The following DNAJC18 variants were observed in gnomAD, a reference collection of about 807,000 sequenced individuals.
DNAJC18 encodes DnaJ heat shock protein family (Hsp40) member C18, also known as dnaJ homolog subfamily C member 18.
A neutral mutation model predicts 48.6 loss-of-function variants in DNAJC18; 40 were observed. The observed-to-expected ratio is 0.82, with a 90% CI of 0.64 to 1.07. The LOEUF is 1.07. Among genes scored for constraint, DNAJC18 ranks in the 50% least tolerant of loss-of-function variants. DNAJC18 has a pLI of 0.00. For missense variants in DNAJC18, 340 were observed against 427.7 expected, an observed-to-expected ratio of 0.79 and a Z score of 1.81; for synonymous variants, 135 against 152.2, an observed-to-expected ratio of 0.89 and a Z score of 0.83.
rs764554043 is a variant in DNAJC18, at chr5:139,422,713, A to G, written c.774T>C (p.Tyr258=). 1 of 1,596,902 alleles carries G rather than the reference A, an allele frequency of 6.3e-7. No homozygotes were observed. Among genetic ancestry groups the G allele is most frequent in the South Asian group, 1.1e-5 (1 of 88,000 alleles). Reference sequence around the variant, plus strand: ...TTTAGAAATACCAGACTTACGATTTATAGAACAGACTATATGGGGGATTAG... The same window carrying G: ...TTTAGAAATACCAGACTTACGATTTGTAGAACAGACTATATGGGGGATTAG... The part of the protein sequence containing the change: ...LATNPPYSLF[Y]KSTLGYTISR... Residue 258 remains tyrosine (Y), a synonymous_variant, in exon 6 of 8, where the codon TAT becomes TAC. Transcript: ENST00000302060.
chr5:139,437,646 T>G (rs1291732105), intron 1 of DNAJC18, 88 bp from the exon 2 acceptor site: 2 of 1,471,834 alleles, frequency 1.4e-6, no homozygotes, highest in Admixed American at 4.6e-5. Context: ...AGGCTGCTCG[T>G]AAGCATGAGA....
chr5:139,432,648 T>C (rs892073020), intron 2 of DNAJC18, among the ~76,000 whole-genome samples: 1 of 152,150 alleles, frequency 6.6e-6, no homozygotes, highest in Non-Finnish European at 1.5e-5. Context: ...AAAGAACTTT[T>C]TAAAGGCAGT....
At chr5:139,437,342 ATCAC>A in intron 2 of DNAJC18, 26 bp downstream of exon 2, 1 of 1,564,114 alleles carries the variant, frequency 6.4e-7, no homozygotes, top group Non-Finnish European at 8.6e-7. Context: ...TTTCCATAAA[ATCAC>A]TCATTTAATC....
intron 7 of DNAJC18, among the ~76,000 whole-genome samples, chr5:139,415,550 C>T (rs941439954): frequency 5.3e-5 from 8 of 152,368 alleles, no homozygotes; most frequent in African/African-American, 1.4e-4. Context: ...TGCGCTCTCC[C>T]TGCTTGGTGA....
chr5:139,439,488 C>A lies in DNAJC18; in HGVS notation c.-43G>T. 3 of 1,613,478 alleles carry A rather than the reference C, an allele frequency of 1.9e-6. No individual in the cohort carries two copies. Among genetic ancestry groups the A allele is most frequent in the Non-Finnish European group, 2.5e-6 (3 of 1,179,912 alleles). ...AGGTCCGCCGAGCCTCCCCCGTGCC[C>A]GAGGCTGAAAGAGAAGGGGGCGCGG... On this transcript the variant is annotated 5_prime_UTR_variant, in exon 1 of 8. Coordinates refer to ENST00000302060, the MANE Select transcript of DNAJC18 (RefSeq NM_152686.4). This position sits in a 1 kb window ranked among gnomAD's most constrained non-coding sequence, Gnocchi z 4.1.
At chr5:139,421,527 C>T (rs1554165424) in intron 6 of DNAJC18, among the ~76,000 whole-genome samples, 1 of 151,562 alleles carries the variant, frequency 6.6e-6, no homozygotes, top group South Asian at 2.1e-4. Context: ...AAATACTAGC[C>T]GGGCGCGATG....
chr5:139,436,486 T>A (rs1312210163), intron 2 of DNAJC18, among the ~76,000 whole-genome samples: 1 of 151,640 alleles, frequency 6.6e-6, no homozygotes, highest in Admixed American at 6.6e-5. Flanking sequence ...TTGTTCATAG[T>A]ATTTGGATTG....
rs1759174010 is a variant in DNAJC18, at chr5:139,422,704, T to TTA, written c.779+2_779+3dup. 6.3e-7 allele frequency: 1 copy of TTA among 1,588,420 alleles called. No homozygotes were observed. The highest frequency in any genetic ancestry group is 8.6e-7 in the Non-Finnish European group (1 of 1,165,152). The stretch of plus-strand genomic sequence containing the variant: ...TGAGAAAGATTTAGAAATACCAGAC[T>TTA]TACGATTTATAGAACAGACTATATG... On this transcript the variant is annotated splice_donor_region_variant and intron_variant, in intron 6 of 7. Coordinates refer to ENST00000302060, the MANE Select transcript of DNAJC18 (RefSeq NM_152686.4).
chr5:139,410,470 A>G lies in DNAJC18; in HGVS notation c.*3678T>C, dbSNP rs1758977961. ...TATCAACAGTGCAGCCTCAAAAAAA[A>G]GATGTTTTGTAACTTGGCCCTTTCC... On this transcript the variant is annotated 3_prime_UTR_variant, in exon 8 of 8. Transcript: ENST00000302060. 1 of 152,244 alleles carries G rather than the reference A, an allele frequency of 6.6e-6. No homozygotes were observed. Among genetic ancestry groups the G allele is most frequent in the Admixed American group, 6.5e-5 (1 of 15,288 alleles). 9.4% of individuals were successfully genotyped at this position (152,244 alleles called of 1,614,324 possible). A position where few individuals can be genotyped will look rare whatever the true frequency, so the allele number is the denominator to read the frequency against.
chr5:139,428,042 C>A (rs1759269335), intron 3 of DNAJC18, among the ~76,000 whole-genome samples: 1 of 152,152 alleles, frequency 6.6e-6, no homozygotes, highest in African/African-American at 2.4e-5. Context: ...ACCTCAGCCT[C>A]CCAAAGTGCT....
At chr5:139,429,689 C>A (rs1378804713) in intron 2 of DNAJC18, among the ~76,000 whole-genome samples, 3 of 152,102 alleles carry the variant, frequency 2.0e-5, no homozygotes, top group African/African-American at 7.2e-5. Context: ...CTTTGGGAGG[C>A]TGAGGCAGGA....
At chr5:139,425,643 C>A (rs746828558) in intron 4 of DNAJC18, among the ~76,000 whole-genome samples, 2 of 152,164 alleles carry the variant, frequency 1.3e-5, no homozygotes, top group African/African-American at 2.4e-5. Context: ...TGAGAGAGAA[C>A]CCCGAAAGGC....
chr5:139,416,445 G>A (rs909090749), intron 7 of DNAJC18, among the ~76,000 whole-genome samples: 4 of 152,166 alleles, frequency 2.6e-5, no homozygotes, highest in African/African-American at 4.8e-5. Context: ...CTGAAAGACC[G>A]CAACAGATCC....
At chr5:139,416,746 G>A (rs1454419267) in intron 7 of DNAJC18, among the ~76,000 whole-genome samples, 1 of 152,236 alleles carries the variant, frequency 6.6e-6, no homozygotes, top group Non-Finnish European at 1.5e-5. Context: ...AGCTCAGCTA[G>A]GCCAAGAGGC....
intron 2 of DNAJC18, among the ~76,000 whole-genome samples, chr5:139,433,610 T>A (rs1759365236): frequency 6.6e-6 from 1 of 152,192 alleles, no homozygotes; most frequent in Non-Finnish European, 1.5e-5. Context: ...AGGAGCTAAC[T>A]ACAAAATTAT....
chr5:139,416,755 G>C (rs1228274253), intron 7 of DNAJC18, among the ~76,000 whole-genome samples: 1 of 152,260 alleles, frequency 6.6e-6, no homozygotes, highest in Non-Finnish European at 1.5e-5. Flanking sequence ...AGGCCAAGAG[G>C]CAGTTCCTGC....
chr5:139,437,957 G>A (rs1181839465), intron 1 of DNAJC18, among the ~76,000 whole-genome samples: 2 of 152,138 alleles, frequency 1.3e-5, no homozygotes, highest in African/African-American at 4.8e-5. Context: ...TGTCCAACCC[G>A]CGGCCCACAG....
intron 2 of DNAJC18, 23 bp downstream of exon 2, chr5:139,437,349 A>T (rs771920418): frequency 1.9e-6 from 3 of 1,579,814 alleles, no homozygotes; most frequent in Non-Finnish European, 2.6e-6. Flanking sequence ...AAAATCACTC[A>T]TTTAATCTCA....
At position 139,439,480 on chromosome 5, in the gene DNAJC18, C is replaced by G. The variant is rs1438562035; in HGVS notation, c.-35G>C. 2 of 1,613,948 alleles carry G rather than the reference C, an allele frequency of 1.2e-6. No homozygotes were observed. The highest frequency in any genetic ancestry group is 3.3e-5 in the Admixed American group (2 of 60,034). On this transcript the variant is annotated 5_prime_UTR_variant, in exon 1 of 8. Coordinates refer to ENST00000302060, the MANE Select transcript of DNAJC18 (RefSeq NM_152686.4). The surrounding 1 kb of genome is among the most constrained non-coding windows in gnomAD (Gnocchi z 4.1). Reference sequence around the variant, plus strand: ...CAATCAGCAGGTCCGCCGAGCCTCCCCCGTGCCCGAGGCTGAAAGAGAAGG... The same window carrying G: ...CAATCAGCAGGTCCGCCGAGCCTCCGCCGTGCCCGAGGCTGAAAGAGAAGG...
Sources: allele counts gnomAD v4.1 joint callset (sites outside exome capture counted in the v4.1 genomes callset), GRCh38; gene constraint gnomAD v4.1.1; non-coding constraint Gnocchi (gnomAD v3.1); transcripts MANE v1.5; gene names NCBI Gene and HGNC (gene_info 2026-07-23, HGNC 2026-07-21).